Variants in CPEB3 observed in about 807,000 individuals in gnomAD.
CPEB3 encodes the protein cytoplasmic polyadenylation element-binding protein 3.
CPEB3 carries 20 observed loss-of-function variants against 67.2 expected under a neutral mutation model. The observed-to-expected ratio is 0.30, with a 90% CI of 0.21 to 0.43. CPEB3 has a LOEUF of 0.43. CPEB3 is among the 20% of genes least tolerant of loss of function. CPEB3 has a pLI of 1.00. For synonymous variants in CPEB3, 376 were observed against 393.1 expected, an observed-to-expected ratio of 0.96 and a Z score of 0.51; for missense variants, 746 against 968.6, an observed-to-expected ratio of 0.77 and a Z score of 3.05.
chr10:92,282,686 A>G (rs1197761184), intron 1 of CPEB3, among the ~76,000 whole-genome samples: 2 of 151,030 alleles, frequency 1.3e-5, no homozygotes, highest in Admixed American at 6.6e-5. Context: ...TCCCATCTCA[A>G]AAAAAAAAGA....
chr10:92,180,242 C>T (rs1848403665), intron 4 of CPEB3, among the ~76,000 whole-genome samples: 1 of 152,172 alleles, frequency 6.6e-6, no homozygotes. Flanking sequence ...ATTATACTGA[C>T]AAAACTGTTT....
chr10:92,249,505 T>C (rs936246967), intron 1 of CPEB3, among the ~76,000 whole-genome samples: 1 of 152,044 alleles, frequency 6.6e-6, no homozygotes, highest in Non-Finnish European at 1.5e-5. Context: ...TACTCTTTAG[T>C]AGAAAGGTGG....
intron 1 of CPEB3, among the ~76,000 whole-genome samples, chr10:92,246,015 G>C (rs1017886658): frequency 1.3e-5 from 2 of 150,012 alleles, no homozygotes; most frequent in Non-Finnish European, 3.0e-5. Context: ...TCCAGCCTGG[G>C]AGACAGAGCA....
At chr10:92,156,529 T>C (rs751492260) in intron 4 of CPEB3, among the ~76,000 whole-genome samples, 2 of 152,168 alleles carry the variant, frequency 1.3e-5, no homozygotes, top group Non-Finnish European at 2.9e-5. Flanking sequence ...GACTGATTAG[T>C]ACGTGAGAAG....
chr10:92,216,106 T>C (rs1850372587), intron 2 of CPEB3, among the ~76,000 whole-genome samples: 1 of 147,846 alleles, frequency 6.8e-6, no homozygotes, highest in South Asian at 2.2e-4. Context: ...CTATGAAACC[T>C]GAACTAGAAC....
chr10:92,185,578 A>G (rs1194661114), intron 3 of CPEB3, among the ~76,000 whole-genome samples: 2 of 152,226 alleles, frequency 1.3e-5, no homozygotes, highest in Admixed American at 1.3e-4. Flanking sequence ...ATTAATTCAT[A>G]ATTGATTACG....
intron 7 of CPEB3, among the ~76,000 whole-genome samples, chr10:92,107,233 A>G (rs1844517397): frequency 6.6e-6 from 1 of 152,254 alleles, no homozygotes; most frequent in Non-Finnish European, 1.5e-5. Flanking sequence ...TTACCTGAGC[A>G]ATAACGTAAA....
chr10:92,252,533 T>C (rs993243268), intron 1 of CPEB3, among the ~76,000 whole-genome samples: 2 of 151,938 alleles, frequency 1.3e-5, no homozygotes, highest in African/African-American at 4.8e-5. Flanking sequence ...AACCCAAATA[T>C]CCATCTGTAA....
chr10:92,228,348 C>A (rs1248895399), intron 2 of CPEB3, among the ~76,000 whole-genome samples: 1 of 152,102 alleles, frequency 6.6e-6, no homozygotes, highest in Non-Finnish European at 1.5e-5. Flanking sequence ...ATTTTTAATT[C>A]TCTGCTTATC....
At chr10:92,113,481 G>A (rs701847) in intron 6 of CPEB3, among the ~76,000 whole-genome samples, 16 of 152,248 alleles carry the variant, frequency 1.1e-4, no homozygotes, top group African/African-American at 3.6e-4. Context: ...CTCTTACCAA[G>A]TTAAATACTG....
At chr10:92,197,780 C>A (rs1327386309) in intron 2 of CPEB3, among the ~76,000 whole-genome samples, 1 of 152,180 alleles carries the variant, frequency 6.6e-6, no homozygotes, top group African/African-American at 2.4e-5. Context: ...TATCTCACAG[C>A]CCTATTAAGT....
At chr10:92,192,710 G>T in intron 2 of CPEB3, 74 bp from the exon 3 acceptor site, 2 of 1,144,366 alleles carry the variant, frequency 1.7e-6, no homozygotes, top group Non-Finnish European at 2.4e-6. Context: ...TTTGCTTCCT[G>T]CTGTGGATTG....
chr10:92,053,396 A>G (rs951135959), intron 9 of CPEB3, among the ~76,000 whole-genome samples: 7 of 151,590 alleles, frequency 4.6e-5, no homozygotes, highest in East Asian at 1.9e-4. Flanking sequence ...ATGGAGTCTC[A>G]CTCTGTCGCC....
intron 4 of CPEB3, among the ~76,000 whole-genome samples, chr10:92,161,521 C>T (rs531402240): frequency 2.0e-5 from 3 of 151,796 alleles, no homozygotes; most frequent in Non-Finnish European, 4.4e-5. Context: ...GATCCACCCA[C>T]GTTGGCCTCC....
At chr10:92,137,248 G>A (rs1186485733) in intron 6 of CPEB3, 3 of 572,234 alleles carry the variant, frequency 5.2e-6, no homozygotes, top group Non-Finnish European at 9.5e-6. Flanking sequence ...CTCCTGTCAT[G>A]GCTGTATTGG....
intron 9 of CPEB3, among the ~76,000 whole-genome samples, chr10:92,061,708 G>T (rs1842361079): frequency 6.6e-6 from 1 of 152,152 alleles, no homozygotes; most frequent in Non-Finnish European, 1.5e-5. Flanking sequence ...TGGGGCAGGA[G>T]ATGGAGATGG....
At chr10:92,089,644 A>G (rs1843532329) in intron 8 of CPEB3, among the ~76,000 whole-genome samples, 1 of 152,082 alleles carries the variant, frequency 6.6e-6, no homozygotes, top group African/African-American at 2.4e-5. Context: ...ACAGCCAGGC[A>G]TGGTGGTGTG....
chr10:92,203,486 A>G (rs913316043), intron 2 of CPEB3, among the ~76,000 whole-genome samples: 3 of 145,624 alleles, frequency 2.1e-5, no homozygotes, highest in African/African-American at 7.5e-5. Context: ...ATATGTGTGT[A>G]TATGTGTATA....
intron 5 of CPEB3, 130 bp downstream of exon 5, chr10:92,144,815 C>T: frequency 2.7e-6 from 2 of 732,304 alleles, no homozygotes; most frequent in South Asian, 3.6e-5. Context: ...CTTTCTAATC[C>T]ACCAAATAGT....
Sources: allele counts gnomAD v4.1 joint callset (sites outside exome capture counted in the v4.1 genomes callset), GRCh38; gene constraint gnomAD v4.1.1; transcripts MANE v1.5; gene names NCBI Gene and HGNC (gene_info 2026-07-23, HGNC 2026-07-21).